The following CADM2 variants were observed in gnomAD, a reference collection of about 807,000 sequenced individuals.
The protein encoded by CADM2 is immunoglobulin superfamily member 4D.
A neutral mutation model predicts 49.8 loss-of-function variants in CADM2; 12 were observed. The ratio of observed to expected loss-of-function variants is 0.24; its 90% CI spans 0.15 to 0.39. The LOEUF (loss-of-function observed/expected upper bound fraction) is 0.39. Among genes scored for constraint, CADM2 ranks in the 10% least tolerant of loss-of-function variants. The pLI is 1.00. For synonymous variants in CADM2, 214 were observed against 175.4 expected (o/e 1.22, Z -1.74); for missense variants, 378 against 492.3 (o/e 0.77, Z 2.20).
chr3:85,224,112 T>C (rs1260929408), intron 1 of CADM2, among the ~76,000 whole-genome samples: 1 of 152,202 alleles, frequency 6.6e-6, no homozygotes, highest in Non-Finnish European at 1.5e-5. Flanking sequence ...CCTTTGGGTA[T>C]ATACCCAATA....
chr3:85,930,368 G>A (rs1032389483), intron 6 of CADM2, among the ~76,000 whole-genome samples: 2 of 151,988 alleles, frequency 1.3e-5, no homozygotes, highest in Non-Finnish European at 2.9e-5. Context: ...GAGATGTTTT[G>A]ATACAGGCAT....
intron 1 of CADM2, among the ~76,000 whole-genome samples, chr3:85,696,677 C>A (rs72913202): frequency 0.036 from 5,524 of 151,922 alleles, 316 homozygotes; most frequent in African/African-American, 0.13. Context: ...GAGGTCAGTA[C>A]ATTTTTTCTT....
At chr3:85,179,844 T>G (rs1225221431) in intron 1 of CADM2, among the ~76,000 whole-genome samples, 1 of 152,140 alleles carries the variant, frequency 6.6e-6, no homozygotes, top group Non-Finnish European at 1.5e-5. Flanking sequence ...TCTTTTTCAT[T>G]TAATAGGATG....
intron 2 of CADM2, among the ~76,000 whole-genome samples, chr3:85,760,350 TC>T (rs1031238859): frequency 5.9e-5 from 9 of 151,864 alleles, no homozygotes; most frequent in Non-Finnish European, 1.2e-4. Flanking sequence ...TTTTTTTTTT[TC>T]GTTTAAGAAA....
At chr3:85,278,238 C>T (rs1342096930) in intron 1 of CADM2, among the ~76,000 whole-genome samples, 2 of 151,340 alleles carry the variant, frequency 1.3e-5, no homozygotes, top group South Asian at 4.1e-4. Flanking sequence ...AACAGTTCCA[C>T]TCACAAATTC....
chr3:85,240,875 A>G (rs1207706585), intron 1 of CADM2, among the ~76,000 whole-genome samples: 1 of 151,588 alleles, frequency 6.6e-6, no homozygotes, highest in African/African-American at 2.4e-5. Flanking sequence ...ATAGTTGTAC[A>G]TATCTTTGGG....
chr3:85,578,376 G>A (rs1051992136), intron 1 of CADM2, among the ~76,000 whole-genome samples: 14 of 152,230 alleles, frequency 9.2e-5, no homozygotes, highest in Non-Finnish European at 1.5e-4. Flanking sequence ...CATTTTGAGA[G>A]TAGGCGCTGG....
intron 1 of CADM2, among the ~76,000 whole-genome samples, chr3:84,987,428 A>G (rs933495491): frequency 6.6e-6 from 1 of 152,092 alleles, no homozygotes; most frequent in African/African-American, 2.4e-5. Context: ...TTCAGCTCCA[A>G]TTCTCTTCCA....
chr3:85,216,364 A>T (rs1016164787), intron 1 of CADM2, among the ~76,000 whole-genome samples: 1 of 147,544 alleles, frequency 6.8e-6, no homozygotes, highest in Non-Finnish European at 1.5e-5. Flanking sequence ...TAATAGTAAT[A>T]TATTTAATAT....
At chr3:85,757,683 A>G (rs1048835429) in intron 2 of CADM2, among the ~76,000 whole-genome samples, 1 of 152,160 alleles carries the variant, frequency 6.6e-6, no homozygotes, top group Non-Finnish European at 1.5e-5. Flanking sequence ...GAAACATAGT[A>G]TTGTAGATTC....
intron 1 of CADM2, among the ~76,000 whole-genome samples, chr3:85,476,090 A>C (rs2038962985): frequency 6.6e-6 from 1 of 151,896 alleles, no homozygotes; most frequent in South Asian, 2.1e-4. Context: ...CACTACTTCA[A>C]ATGATTCACC....
chr3:84,984,142 A>G (rs2032396605), intron 1 of CADM2, among the ~76,000 whole-genome samples: 2 of 151,798 alleles, frequency 1.3e-5, no homozygotes, highest in African/African-American at 2.4e-5. Flanking sequence ...CTAAATCTAG[A>G]TATCTACGCC....
intron 3 of CADM2, among the ~76,000 whole-genome samples, chr3:85,865,689 G>A (rs949083668): frequency 5.9e-5 from 9 of 152,154 alleles, no homozygotes; most frequent in African/African-American, 2.2e-4. Context: ...GTATTTTTAT[G>A]AGCCTAAACT....
At chr3:86,060,876 G>A (rs1738551346) in intron 8 of CADM2, among the ~76,000 whole-genome samples, 1 of 151,984 alleles carries the variant, frequency 6.6e-6, no homozygotes, top group Non-Finnish European at 1.5e-5. Flanking sequence ...CAGCTGCTCA[G>A]GAGGCTGAGG....
intron 1 of CADM2, among the ~76,000 whole-genome samples, chr3:85,133,191 T>A (rs531046870): frequency 1.5e-4 from 23 of 152,192 alleles, no homozygotes; most frequent in African/African-American, 5.1e-4. Flanking sequence ...AGCAGCAAGA[T>A]TTAGTGCAAA....
intron 1 of CADM2, among the ~76,000 whole-genome samples, chr3:85,120,401 C>T (rs2038812324): frequency 6.6e-6 from 1 of 152,124 alleles, no homozygotes; most frequent in Non-Finnish European, 1.5e-5. Context: ...TATTGTAGCA[C>T]TATTCACAAT....
In CADM2 at chr3:85,731,182, A is replaced by C. The variant is rs577031458; in HGVS notation, c.88+4634A>C. On this transcript the variant is annotated intron_variant, in intron 2 of 9. Coordinates refer to ENST00000383699, the MANE Select transcript of CADM2 (RefSeq NM_001167675.2). Reference sequence around the variant, plus strand: ...TCCCAGGCTACCCATCATATGAAAAATTTTGGAGGTTAATTGAAAGGCATG... The same window carrying C: ...TCCCAGGCTACCCATCATATGAAAACTTTTGGAGGTTAATTGAAAGGCATG... Among the ~76,000 whole-genome samples, 3 of 152,268 alleles carry C rather than the reference A, an allele frequency of 2.0e-5. No homozygotes were observed. The South Asian group carries it at 6.2e-4, about 32-fold the overall frequency.
intron 1 of CADM2, among the ~76,000 whole-genome samples, chr3:85,630,931 A>T (rs561954026): frequency 6.6e-6 from 1 of 152,034 alleles, no homozygotes; most frequent in Non-Finnish European, 1.5e-5. Context: ...AAAAAAAAAG[A>T]AAGAAAACCT....
intron 1 of CADM2, among the ~76,000 whole-genome samples, chr3:85,152,273 A>T (rs1429874742): frequency 2.0e-5 from 3 of 152,054 alleles, no homozygotes; most frequent in Non-Finnish European, 2.9e-5. Flanking sequence ...ACTACATTTG[A>T]CTGTTGACTG....
Sources: allele counts gnomAD v4.1 joint callset (sites outside exome capture counted in the v4.1 genomes callset), GRCh38; gene constraint gnomAD v4.1.1; transcripts MANE v1.5; gene names NCBI Gene and HGNC (gene_info 2026-07-23, HGNC 2026-07-21).